Variants in SVOPL observed in about 807,000 individuals in gnomAD.
SVOPL encodes the protein putative transporter SVOPL.
A neutral mutation model predicts 61.0 loss-of-function variants in SVOPL; 60 were observed. That is an observed-to-expected ratio of 0.98 (90% CI 0.80 to 1.22). The LOEUF (loss-of-function observed/expected upper bound fraction) is 1.22, where lower values mean the gene tolerates loss of function less well. Ranked by LOEUF, SVOPL falls within the 50% of genes most tolerant of loss-of-function variation. The pLI is 0.00. For missense variants in SVOPL, 662 were observed against 643.9 expected (o/e 1.03, Z -0.30); for synonymous variants, 279 against 250.0 (o/e 1.12, Z -1.09).
At chr7:138,660,428 G>A in intron 5 of SVOPL, 2 of 987,140 alleles carry the variant, frequency 2.0e-6, no homozygotes, top group Non-Finnish European at 2.4e-6. Context: ...TTAAGAAATT[G>A]AAATCACCAT....
intron 4 of SVOPL, among the ~76,000 whole-genome samples, chr7:138,667,633 C>A (rs374423960): frequency 6.6e-6 from 1 of 152,128 alleles, no homozygotes; most frequent in African/African-American, 2.4e-5. Context: ...GGCTGGCTAC[C>A]CACCTCTTCC....
rs934001447 is a variant in SVOPL at position 138,594,738 on chromosome 7, G to A, written c.1468-117C>T. 6.1e-6 allele frequency: 4 copies of A among 660,714 alleles called. No homozygotes were observed. In the South Asian group the frequency reaches 1.0e-4, roughly 17 times the overall value. 40.9% of individuals were successfully genotyped at this position (660,714 alleles called of 1,614,324 possible). A position where few individuals can be genotyped will look rare whatever the true frequency, so the allele number is the denominator to read the frequency against. ...TTCTTTAATAAAAAATTATTAGGAG[G>A]GAAAATCCTAGCATTTACCTTTGTG... On this transcript the variant is annotated intron_variant, in intron 15 of 15. Coordinates refer to ENST00000674285, the MANE Select transcript of SVOPL (RefSeq NM_001139456.2).
At chr7:138,653,408 C>G (rs978695224) in intron 7 of SVOPL, among the ~76,000 whole-genome samples, 1 of 152,148 alleles carries the variant, frequency 6.6e-6, no homozygotes, top group Non-Finnish European at 1.5e-5. Flanking sequence ...CTTCAAAGGA[C>G]GGGCTGAATC....
intron 1 of SVOPL, among the ~76,000 whole-genome samples, chr7:138,694,287 C>T (rs11769023): frequency 0.078 from 11,931 of 152,294 alleles, 952 homozygotes; most frequent in African/African-American, 0.2. Flanking sequence ...CTCTGTCGCC[C>T]AGGCTGGCGT....
chr7:138,664,125 GC>G (rs1802140291), intron 4 of SVOPL: 1 of 795,928 alleles, frequency 1.3e-6, no homozygotes, highest in East Asian at 1.3e-4. Context: ...CTCTCCCTCT[GC>G]CTCCCTCACT....
intron 1 of SVOPL, among the ~76,000 whole-genome samples, chr7:138,681,639 C>T (rs1486929397): frequency 6.6e-6 from 1 of 152,064 alleles, no homozygotes; most frequent in African/African-American, 2.4e-5. Flanking sequence ...GTCTGGCCAA[C>T]ACAGCAAAAC....
intron 7 of SVOPL, among the ~76,000 whole-genome samples, chr7:138,654,929 G>A (rs1225057146): frequency 1.4e-5 from 2 of 147,706 alleles, no homozygotes; most frequent in Admixed American, 6.8e-5. Flanking sequence ...AGTGGCTCAT[G>A]CCTGTAATCC....
At chr7:138,649,994 G>C (rs1247226442) in intron 7 of SVOPL, among the ~76,000 whole-genome samples, 1 of 151,946 alleles carries the variant, frequency 6.6e-6, no homozygotes. Context: ...ACCACACCCA[G>C]CTAATTTTTG....
rs138334011 is a variant in SVOPL at position 138,658,440 on chromosome 7, T to TTTTG, written c.470+1420_470+1423dup. Among the ~76,000 whole-genome samples the TTTTG allele has an allele frequency of 3.9e-5, 6 of 152,168 alleles. No individual in the cohort carries two copies. The South Asian group carries it at 6.2e-4, about 16-fold the overall frequency. ...TTATGTTTGGATTGACTTCAAAAAT[T>TTTTG]TTTGTTTGTTTGTTTGTTTTTGTAG... On this transcript the variant is annotated intron_variant, in intron 6 of 15. Transcript: ENST00000674285.
At chr7:138,624,390 C>T (rs964777186) in intron 13 of SVOPL, among the ~76,000 whole-genome samples, 3 of 152,104 alleles carry the variant, frequency 2.0e-5, no homozygotes. Flanking sequence ...AACCAATTTA[C>T]TTTAGGGTCA....
intron 9 of SVOPL, among the ~76,000 whole-genome samples, chr7:138,631,041 C>T (rs907909057): frequency 1.3e-5 from 2 of 151,082 alleles, no homozygotes; most frequent in South Asian, 2.1e-4. Context: ...GATGAGGGCA[C>T]GCCATTGAAA....
chr7:138,654,088 G>A (rs1459231862), intron 7 of SVOPL, among the ~76,000 whole-genome samples: 2 of 148,728 alleles, frequency 1.3e-5, no homozygotes, highest in Non-Finnish European at 3.0e-5. Context: ...AGCCAAGATT[G>A]TCCCACTGCA....
In SVOPL at chr7:138,671,975, C is replaced by T. The variant is rs567886014; in HGVS notation, c.273+44G>A. 1.5e-4 allele frequency: 231 copies of T among 1,521,504 alleles called. No individual in the cohort carries two copies. The African/African-American group carries it at 2.6e-3, about 17-fold the overall frequency. 94.3% of individuals were successfully genotyped at this position (1,521,504 alleles called of 1,614,324 possible). ...TGCAGGATGGAGGAAAGGGAGCCTA[C>T]GCCCTCAGTTGCTGTGTTCACGGCA... is the stretch of plus-strand genomic sequence containing the variant. On this transcript the variant is annotated intron_variant, in intron 4 of 15. Transcript: ENST00000674285.
chr7:138,658,836 T>G (rs1452028679), intron 6 of SVOPL, among the ~76,000 whole-genome samples: 1 of 152,168 alleles, frequency 6.6e-6, no homozygotes, highest in Non-Finnish European at 1.5e-5. Flanking sequence ...TGTAACTTAT[T>G]AATGCTGTAA....
intron 4 of SVOPL, among the ~76,000 whole-genome samples, chr7:138,664,539 C>G (rs1802167575): frequency 6.8e-6 from 1 of 146,704 alleles, no homozygotes. Context: ...CTCGAGCACC[C>G]CTAATCCTCC....
intron 15 of SVOPL, among the ~76,000 whole-genome samples, chr7:138,595,912 G>A (rs1798255599): frequency 6.6e-6 from 1 of 152,094 alleles, no homozygotes; most frequent in African/African-American, 2.4e-5. Flanking sequence ...ACTAGGCCGG[G>A]CACGGTGGCT....
chr7:138,618,709 CGAGAGA>C (rs59361038), intron 14 of SVOPL, among the ~76,000 whole-genome samples: 6 of 129,794 alleles, frequency 4.6e-5, no homozygotes, highest in African/African-American at 1.4e-4. Flanking sequence ...TGCACACGCG[CGAGAGA>C]GAGAGAGAGG....
chr7:138,670,759 C>T (rs1423096566), intron 4 of SVOPL, among the ~76,000 whole-genome samples: 2 of 152,094 alleles, frequency 1.3e-5, no homozygotes, highest in African/African-American at 4.8e-5. Flanking sequence ...TCTATTGGGG[C>T]ACTAGGAAAG....
intron 14 of SVOPL, among the ~76,000 whole-genome samples, chr7:138,603,402 G>C (rs1339314729): frequency 1.3e-5 from 2 of 152,176 alleles, no homozygotes; most frequent in Non-Finnish European, 2.9e-5. Context: ...AGCTAAAGCA[G>C]GCCGGGTGCG....
Sources: gnomAD v4.1 joint callset for allele counts (sites outside exome capture counted in the v4.1 genomes callset) on GRCh38, gnomAD v4.1.1 for gene constraint, MANE v1.5 for transcripts, NCBI Gene and HGNC (gene_info 2026-07-23, HGNC 2026-07-21) for gene names.